The following COIL variants were observed in gnomAD, a reference collection of about 807,000 sequenced individuals.
COIL encodes the protein coilin.
A neutral mutation model predicts 51.6 loss-of-function variants in COIL; 28 were observed. That is an observed-to-expected ratio of 0.54 (90% confidence interval 0.40 to 0.74). The LOEUF (loss-of-function observed/expected upper bound fraction) is 0.74, where lower values mean the gene tolerates loss of function less well. Among genes scored for constraint, COIL ranks in the 30% least tolerant of loss-of-function variants. COIL has a pLI of 0.00. For missense variants in COIL, 667 were observed against 685.9 expected (o/e 0.97, Z 0.31); for synonymous variants, 233 against 255.8 (o/e 0.91, Z 0.85).
At chr17:56,946,810 C>A (rs1910257593) in intron 4 of COIL, among the ~76,000 whole-genome samples, 2 of 152,090 alleles carry the variant, frequency 1.3e-5, no homozygotes, top group Non-Finnish European at 2.9e-5. Flanking sequence ...CACCAGGGAA[C>A]CAAAAGTGAC....
chr17:56,949,550 C>T lies in COIL; in HGVS notation c.1441-116G>A, dbSNP rs1377910891. ...ACCCCGACCAGTCTGGGAGCCCTAC[C>T]AGGAACCCGTAACAACACTGGGGTT... On this transcript the variant is annotated intron_variant, in intron 3 of 6. Transcript: ENST00000240316. The T allele has an allele frequency of 4.9e-5, 68 of 1,393,228 alleles. No homozygotes were observed. The Middle Eastern group carries it at 8.9e-4, about 18-fold the overall frequency. The allele number at this position is 1,393,228 out of a possible 1,614,324, so 86.3% of individuals were successfully genotyped here. A position where few individuals can be genotyped will look rare whatever the true frequency, so the allele number is the denominator to read the frequency against.
rs1360548279 is a variant in COIL at position 56,939,150 on chromosome 17, G to A, written c.1652C>T (p.Thr551Ile). ...EYAVTQESKI[T>I]VFWKELIDPR... ...GTCAATCAACTCTTTCCAAAATACA[G>A]TGATCTGAGGAAAAAGACAAAATAC... The change falls in exon 7 of 7, where the codon ACT (threonine) becomes ATT (isoleucine). Residue 551 changes from threonine to isoleucine, a missense_variant. By Grantham distance (89) the Thr-to-Ile change is moderately conservative (BLOSUM62 -1). Transcript: ENST00000240316. 2 of 1,574,986 alleles carry A rather than the reference G, an allele frequency of 1.3e-6. No individual in the cohort carries two copies. The highest frequency in any genetic ancestry group is 1.7e-6 in the Non-Finnish European group (2 of 1,145,302).
At chr17:56,942,940 G>A (rs1254986499) in intron 5 of COIL, among the ~76,000 whole-genome samples, 1 of 152,088 alleles carries the variant, frequency 6.6e-6, no homozygotes, top group Admixed American at 6.5e-5. Context: ...AAAAAATTTT[G>A]CCAAAACATT....
intron 1 of COIL, among the ~76,000 whole-genome samples, chr17:56,954,403 A>G (rs938992489): frequency 6.6e-6 from 1 of 152,090 alleles, no homozygotes; most frequent in African/African-American, 2.4e-5. Flanking sequence ...TCTACTAAAA[A>G]TACAAAAATT....
At position 56,938,952 on chromosome 17, in the gene COIL, T is replaced by C. The variant is rs2144387626; in HGVS notation, c.*119A>G. ...GTAGATTGTTTCCTATGCAGTAAAGTGAAGATAACAAAAAAATCCATACAA... is the reference window on the plus strand; with the variant it reads ...GTAGATTGTTTCCTATGCAGTAAAGCGAAGATAACAAAAAAATCCATACAA... On this transcript the variant is annotated 3_prime_UTR_variant, in exon 7 of 7. Coordinates refer to ENST00000240316, the MANE Select transcript of COIL (RefSeq NM_004645.3). 1.7e-6 allele frequency: 1 copy of C among 585,336 alleles called. No homozygotes were observed. The highest frequency in any genetic ancestry group is 2.8e-5 in the East Asian group (1 of 35,502). The allele number at this position is 585,336 out of a possible 1,614,324, so 36.3% of individuals were successfully genotyped here. A position where few individuals can be genotyped will look rare whatever the true frequency, so the allele number is the denominator to read the frequency against.
intron 1 of COIL, among the ~76,000 whole-genome samples, chr17:56,956,784 G>A (rs188316955): frequency 6.6e-6 from 1 of 152,122 alleles, no homozygotes; most frequent in East Asian, 1.9e-4. Context: ...CTGTAGACAT[G>A]GGGTTTCACC....
At chr17:56,948,329 C>T (rs929991689) in intron 4 of COIL, among the ~76,000 whole-genome samples, 7 of 151,306 alleles carry the variant, frequency 4.6e-5, no homozygotes, top group Admixed American at 2.0e-4. Flanking sequence ...TTACTAGAGA[C>T]GGGGTTTCAC....
intron 1 of COIL, among the ~76,000 whole-genome samples, chr17:56,957,688 G>A (rs554738642): frequency 6.6e-6 from 1 of 152,228 alleles, no homozygotes; most frequent in African/African-American, 2.4e-5. Flanking sequence ...CCAACACCCT[G>A]ATCTTGGACT....
Position 56,959,070 on chromosome 17 carries a change from C to T in COIL, c.245+1705G>A, listed in dbSNP as rs189737590. On this transcript the variant is annotated intron_variant, in intron 1 of 6. Coordinates refer to ENST00000240316, the MANE Select transcript of COIL (RefSeq NM_004645.3). ...AAGGGGGTGGGGGAAGGAAGGCTGGCACAGTGGCTTACGCCTGTAATCCCA... is the reference window on the plus strand; with the variant it reads ...AAGGGGGTGGGGGAAGGAAGGCTGGTACAGTGGCTTACGCCTGTAATCCCA... Among the ~76,000 whole-genome samples, 5 of 152,144 alleles carry T rather than the reference C, an allele frequency of 3.3e-5. No individual in the cohort carries two copies. The East Asian group carries it at 7.7e-4, about 23-fold the overall frequency.
intron 4 of COIL, 124 bp from the exon 5 acceptor site, chr17:56,946,635 T>C: frequency 1.6e-6 from 1 of 608,724 alleles, no homozygotes; most frequent in Non-Finnish European, 2.8e-6. Context: ...GAATTTTATC[T>C]CAGTTGAAAA....
At chr17:56,959,322 C>G (rs1428162106) in intron 1 of COIL, among the ~76,000 whole-genome samples, 2 of 151,622 alleles carry the variant, frequency 1.3e-5, no homozygotes, top group Non-Finnish European at 2.9e-5. Flanking sequence ...CCAGCCTGGG[C>G]ATGGGAAACC....
chr17:56,945,895 T>C (rs1195576946), intron 5 of COIL, among the ~76,000 whole-genome samples: 1 of 152,184 alleles, frequency 6.6e-6, no homozygotes, highest in Non-Finnish European at 1.5e-5. Context: ...TTTGTATTTT[T>C]AGTAGAGACA....
intron 1 of COIL, among the ~76,000 whole-genome samples, chr17:56,955,211 C>T (rs934239081): frequency 6.6e-6 from 1 of 152,110 alleles, no homozygotes; most frequent in African/African-American, 2.4e-5. Flanking sequence ...ATTCCAGGTG[C>T]CTGCCACCAC....
At chr17:56,960,343 G>C (rs1910565121) in intron 1 of COIL, among the ~76,000 whole-genome samples, 1 of 149,204 alleles carries the variant, frequency 6.7e-6, no homozygotes, top group Non-Finnish European at 1.5e-5. Context: ...GACCAATATG[G>C]TGAAACCCCA....
At chr17:56,945,058 G>T (rs76525919) in intron 5 of COIL, among the ~76,000 whole-genome samples, 7,060 of 151,804 alleles carry the variant, frequency 0.047, 218 homozygotes, top group Middle Eastern at 0.12. Flanking sequence ...CAGAAAACAG[G>T]CTGGGCACAG....
At chr17:56,946,342 T>C (rs1416892003) in intron 5 of COIL, 100 bp downstream of exon 5, 3 of 763,572 alleles carry the variant, frequency 3.9e-6, no homozygotes, top group East Asian at 2.5e-5. Flanking sequence ...GCGCCAGTTA[T>C]ATGGAGGCCA....
At chr17:56,944,123 C>T (rs187677862) in intron 5 of COIL, among the ~76,000 whole-genome samples, 2 of 152,022 alleles carry the variant, frequency 1.3e-5, no homozygotes, top group Admixed American at 1.3e-4. Flanking sequence ...CACCTTCGCC[C>T]CCGAAGCCAT....
chr17:56,947,619 C>T (rs144346316), intron 4 of COIL, among the ~76,000 whole-genome samples: 107 of 152,156 alleles, frequency 7.0e-4, no homozygotes, highest in Middle Eastern at 3.4e-3. Flanking sequence ...TACAGGTGCA[C>T]GCCACCATGC....
intron 5 of COIL, among the ~76,000 whole-genome samples, chr17:56,943,994 T>C (rs1910195988): frequency 6.6e-6 from 1 of 151,072 alleles, no homozygotes; most frequent in South Asian, 2.1e-4. Context: ...GCCTCTCAAG[T>C]AGCGAGGACT....
Sources: allele counts gnomAD v4.1 joint callset (sites outside exome capture counted in the v4.1 genomes callset), GRCh38; gene constraint gnomAD v4.1.1; transcripts MANE v1.5; gene names NCBI Gene and HGNC (gene_info 2026-07-23, HGNC 2026-07-21).